PTPRM: variants seen among roughly 807,000 people sequenced by gnomAD.
PTPRM encodes the protein protein tyrosine phosphatase receptor type M.
Under a neutral mutation model 186.7 loss-of-function variants are expected in PTPRM, and 47 were observed. The observed-to-expected ratio is 0.25, with a 90% CI of 0.20 to 0.32. The LOEUF (loss-of-function observed/expected upper bound fraction) is 0.32, where lower values mean the gene tolerates loss of function less well. PTPRM is among the 10% of genes least tolerant of loss of function. The pLI is 1.00. For synonymous variants in PTPRM, 668 were observed against 674.9 expected, an observed-to-expected ratio of 0.99 and a Z score of 0.16; for missense variants, 1,494 against 1,865.0, an observed-to-expected ratio of 0.80 and a Z score of 3.66.
intron 7 of PTPRM, among the ~76,000 whole-genome samples, chr18:8,003,299 G>T (rs1482413398): frequency 6.6e-6 from 1 of 152,194 alleles, no homozygotes; most frequent in Non-Finnish European, 1.5e-5. Context: ...CATAAGACAA[G>T]AAGTGCCTTT....
chr18:7,770,859 G>C (rs966335993), intron 1 of PTPRM, among the ~76,000 whole-genome samples: 1 of 152,162 alleles, frequency 6.6e-6, no homozygotes, highest in African/African-American at 2.4e-5. Flanking sequence ...GTTGAATGAA[G>C]GCTAGGGGTG....
chr18:7,835,961 C>A (rs1272378065), intron 2 of PTPRM, among the ~76,000 whole-genome samples: 2 of 151,904 alleles, frequency 1.3e-5, no homozygotes, highest in Admixed American at 1.3e-4. Context: ...CTTTTTCCAT[C>A]CCTTTATTTT....
intron 7 of PTPRM, among the ~76,000 whole-genome samples, chr18:8,050,767 G>A (rs531192869): frequency 1.9e-4 from 29 of 152,242 alleles, no homozygotes; most frequent in African/African-American, 7.0e-4. Flanking sequence ...AGGAAGGGGC[G>A]GGCTCTCTTT....
At chr18:8,165,105 G>T in intron 14 of PTPRM, among the ~76,000 whole-genome samples, 1 of 150,918 alleles carries the variant, frequency 6.6e-6, no homozygotes, top group East Asian at 2.0e-4. Context: ...GGAGGCAGAG[G>T]TTGCAGTAAG....
intron 1 of PTPRM, among the ~76,000 whole-genome samples, chr18:7,712,502 C>G (rs4798584): frequency 0.37 from 56,835 of 151,704 alleles, 12,405 homozygotes; most frequent in East Asian, 0.84. Flanking sequence ...GGGAACAAAA[C>G]TGGATGGAGA....
Position 8,139,564 on chromosome 18 carries a change from C to G in PTPRM, c.2168-4083C>G, listed in dbSNP as rs571274447. ...TCTCAAGCAGAGAGAGTCCTTCCAG[C>G]TATCTAAGGAGGTGTCCCCACCCTA... On this transcript the variant is annotated intron_variant, in intron 13 of 32. Transcript: ENST00000580170. Among the ~76,000 whole-genome samples the G allele has an allele frequency of 2.5e-3, 377 of 152,304 alleles. 2 individuals are homozygous for G. Among genetic ancestry groups the G allele is most frequent in the African/African-American group, 8.2e-3 (340 of 41,560 alleles).
In PTPRM at chr18:7,926,723, G is replaced by A. The variant is rs200590255; in HGVS notation, c.663+40G>A. ...TTTCATCAGTTGATGAGAGTCCAGC[G>A]GGAAGAATACACTCCCCCTGGAGGA... On this transcript the variant is annotated intron_variant, in intron 5 of 32. Coordinates refer to ENST00000580170, the MANE Select transcript of PTPRM (RefSeq NM_001105244.2). 2.6e-4 allele frequency: 393 copies of A among 1,493,854 alleles called. 3 individuals are homozygous for A. In the South Asian group the frequency reaches 2.9e-3, roughly 11 times the overall value. 92.5% of individuals were successfully genotyped at this position (1,493,854 alleles called of 1,614,324 possible).
intron 2 of PTPRM, among the ~76,000 whole-genome samples, chr18:7,878,364 A>T (rs912730821): frequency 6.6e-6 from 1 of 152,266 alleles, no homozygotes; most frequent in Non-Finnish European, 1.5e-5. Context: ...AATTTTGACC[A>T]TTCCTTCTTT....
intron 14 of PTPRM, among the ~76,000 whole-genome samples, chr18:8,181,582 G>A (rs921390080): frequency 1.3e-5 from 2 of 152,214 alleles, no homozygotes; most frequent in Non-Finnish European, 2.9e-5. Context: ...AAAGCCTTCT[G>A]TCTTGGGCAA....
intron 2 of PTPRM, among the ~76,000 whole-genome samples, chr18:7,863,124 G>C (rs1352758586): frequency 6.6e-6 from 1 of 152,064 alleles, no homozygotes; most frequent in Non-Finnish European, 1.5e-5. Flanking sequence ...TGTAAACTAT[G>C]GGTTTGACTT....
intron 3 of PTPRM, among the ~76,000 whole-genome samples, chr18:7,905,642 A>G (rs971389541): frequency 2.0e-5 from 3 of 152,108 alleles, no homozygotes; most frequent in Admixed American, 6.5e-5. Flanking sequence ...GGCCATGGTC[A>G]TGACCACCTC....
At chr18:8,114,759 T>G (rs1407681418) in intron 12 of PTPRM, 32 bp from the exon 13 acceptor site, 1 of 1,563,340 alleles carries the variant, frequency 6.4e-7, no homozygotes, top group Non-Finnish European at 8.8e-7. Context: ...AAAACATGAA[T>G]AATGATTTTT....
intron 1 of PTPRM, among the ~76,000 whole-genome samples, chr18:7,597,451 T>C (rs1321412040): frequency 1.3e-5 from 2 of 152,206 alleles, no homozygotes; most frequent in Non-Finnish European, 2.9e-5. Context: ...CTTGACTTAC[T>C]AGAGTCAGTT....
At chr18:7,941,571 G>A (rs1162441452) in intron 5 of PTPRM, among the ~76,000 whole-genome samples, 3 of 152,060 alleles carry the variant, frequency 2.0e-5, no homozygotes, top group Non-Finnish European at 2.9e-5. Context: ...GTTAATTTAT[G>A]TGCTCATATA....
Position 8,069,881 on chromosome 18 carries a change from AAC to A in PTPRM, c.1333_1334del (p.Thr445AspfsTer3). The A allele has an allele frequency of 2.5e-6, 4 of 1,613,858 alleles. No homozygotes were observed. Among genetic ancestry groups the A allele is most frequent in the Non-Finnish European group, 3.4e-6 (4 of 1,179,808 alleles). Reference sequence around the variant, plus strand: ...TGGGATACAGAAAACTCACACCCTCAACACACGATCACTAACCTGTCACCATA... The same window carrying A: ...TGGGATACAGAAAACTCACACCCTCAACACGATCACTAACCTGTCACCATA... On this transcript the variant is annotated frameshift_variant, in exon 8 of 33. Transcript: ENST00000580170. LOFTEE classifies it high-confidence loss of function.
At chr18:7,756,970 C>T (rs924315407) in intron 1 of PTPRM, among the ~76,000 whole-genome samples, 4 of 152,212 alleles carry the variant, frequency 2.6e-5, no homozygotes, top group Non-Finnish European at 4.4e-5. Flanking sequence ...CCTTTGTAGC[C>T]TGATCTTCAG....
At chr18:7,803,891 A>T (rs981263320) in intron 2 of PTPRM, among the ~76,000 whole-genome samples, 12 of 152,256 alleles carry the variant, frequency 7.9e-5, no homozygotes, top group Admixed American at 3.9e-4. Flanking sequence ...GAAATCTGAG[A>T]TAGTAAAGAA....
intron 1 of PTPRM, among the ~76,000 whole-genome samples, chr18:7,651,519 AACCAAAACAGCATGGTACTGGT>A (rs2038703354): frequency 2.0e-5 from 3 of 152,182 alleles, no homozygotes; most frequent in Admixed American, 1.3e-4. Context: ...AGGCTACAGT[AACCAAAACAGCATGGTACTGGT>A]ACCAAAACAG....
intron 3 of PTPRM, among the ~76,000 whole-genome samples, chr18:7,889,521 T>C (rs1217929864): frequency 6.6e-6 from 1 of 151,948 alleles, no homozygotes; most frequent in Non-Finnish European, 1.5e-5. Context: ...ATTTTTTTTG[T>C]AGAGACAGGG....
Sources: gnomAD v4.1 joint callset for allele counts (sites outside exome capture counted in the v4.1 genomes callset) on GRCh38, gnomAD v4.1.1 for gene constraint, MANE v1.5 for transcripts, NCBI Gene and HGNC (gene_info 2026-07-23, HGNC 2026-07-21) for gene names.